The following TRPM1 variants were observed in gnomAD, a reference collection of about 807,000 sequenced individuals.
TRPM1 encodes the protein transient receptor potential cation channel subfamily M member 1.
Under a neutral mutation model 149.4 loss-of-function variants are expected in TRPM1, and 113 were observed. The observed-to-expected ratio is 0.76, with a 90% CI of 0.65 to 0.88. TRPM1 has a LOEUF of 0.88. Among genes scored for constraint, TRPM1 ranks in the 40% least tolerant of loss-of-function variants. The pLI is 0.00. For synonymous variants in TRPM1, 741 were observed against 759.5 expected, an observed-to-expected ratio of 0.98 and a Z score of 0.40; for missense variants, 1,976 against 2,038.7, an observed-to-expected ratio of 0.97 and a Z score of 0.59.
At chr15:31,131,129 A>G (rs2081455) in intron 1 of TRPM1, among the ~76,000 whole-genome samples, 98,940 of 152,066 alleles carry the variant, frequency 0.65, 32,440 homozygotes, top group East Asian at 0.79. Context: ...ATTGCATGCT[A>G]CTCTGCCCTG....
At chr15:31,042,521 C>T (rs572169733) in intron 16 of TRPM1, among the ~76,000 whole-genome samples, 3 of 152,238 alleles carry the variant, frequency 2.0e-5, no homozygotes, top group African/African-American at 4.8e-5. Context: ...TTAACTGAGG[C>T]GACGCTGCAA....
At position 31,082,871 on chromosome 15, in the gene TRPM1, T is replaced by C. The variant is rs74010766; in HGVS notation, c.-83-1433A>G. The stretch of plus-strand genomic sequence containing the variant: ...CAAGTGTCAACCCCGAGGAGAAGTC[T>C]TCCCCTGAAGGGGAGCCCAGAAATG... On this transcript the variant is annotated intron_variant, in intron 1 of 27. Transcript: ENST00000256552. Among the ~76,000 whole-genome samples the C allele has an allele frequency of 5.1e-3, 770 of 152,232 alleles. 6 individuals carry two copies. The highest frequency in any genetic ancestry group is 0.018 in the African/African-American group (733 of 41,540).
At chr15:31,152,480 C>T (rs1310834129) in intron 1 of TRPM1, among the ~76,000 whole-genome samples, 1 of 152,188 alleles carries the variant, frequency 6.6e-6, no homozygotes, top group Non-Finnish European at 1.5e-5. Context: ...ATTCTAAGCA[C>T]CCCCAACCAT....
chr15:31,090,676 G>C (rs1002037916), intron 1 of TRPM1, among the ~76,000 whole-genome samples: 1 of 151,744 alleles, frequency 6.6e-6, no homozygotes, highest in African/African-American at 2.4e-5. Flanking sequence ...CTGCACCCTG[G>C]AAAAAATCTT....
chr15:31,157,241 GT>G (rs1374906029), intron 1 of TRPM1, among the ~76,000 whole-genome samples: 10 of 152,100 alleles, frequency 6.6e-5, no homozygotes, highest in Admixed American at 3.3e-4. Context: ...CCAGCAGTAT[GT>G]TCTGAGGTTT....
At chr15:31,069,951 A>G (rs1269811317) in intron 4 of TRPM1, 80 bp downstream of exon 4, 2 of 1,613,200 alleles carry the variant, frequency 1.2e-6, no homozygotes, top group African/African-American at 2.7e-5. Flanking sequence ...AAGACCAGGT[A>G]TCTGCAGTTT....
At chr15:31,090,234 T>C (rs2035196985) in intron 1 of TRPM1, among the ~76,000 whole-genome samples, 1 of 152,166 alleles carries the variant, frequency 6.6e-6, no homozygotes, top group Non-Finnish European at 1.5e-5. Context: ...TTTGAGCCAT[T>C]ACACAGACAG....
intron 20 of TRPM1, among the ~76,000 whole-genome samples, chr15:31,036,591 A>G (rs1424463686): frequency 6.6e-6 from 1 of 152,102 alleles, no homozygotes; most frequent in Non-Finnish European, 1.5e-5. Context: ...AAGCTGCACA[A>G]TGTGTGATGA....
At chr15:31,003,204 C>A in intron 27 of TRPM1, 134 bp from the exon 28 acceptor site, 1 of 783,914 alleles carries the variant, frequency 1.3e-6, no homozygotes. Flanking sequence ...TTACAAGCTT[C>A]ACAATCCCCT....
At chr15:31,039,101 C>G (rs766143798) in intron 18 of TRPM1, among the ~76,000 whole-genome samples, 4 of 139,608 alleles carry the variant, frequency 2.9e-5, no homozygotes, top group Admixed American at 7.9e-5. Flanking sequence ...ATATTCTTTT[C>G]TCATGCTTTT....
chr15:31,027,308 T>C (rs751651564), intron 25 of TRPM1, among the ~76,000 whole-genome samples, 191 bp from the exon 26 acceptor site: 2 of 152,206 alleles, frequency 1.3e-5, no homozygotes, highest in African/African-American at 4.8e-5. Context: ...CTTAAGGACA[T>C]TGTATTCATA....
Position 31,028,321 on chromosome 15 carries a change from G to C in TRPM1, c.3293+11C>G. The C allele has an allele frequency of 6.2e-7, 1 of 1,614,120 alleles. No individual in the cohort carries two copies. The highest frequency in any genetic ancestry group is 8.5e-7 in the Non-Finnish European group (1 of 1,180,006). ...AATAATAAGCATGTGGTCATCGGCTGTGACACGTACTTGAACACAGCAATC... is the reference window on the plus strand; with the variant it reads ...AATAATAAGCATGTGGTCATCGGCTCTGACACGTACTTGAACACAGCAATC... On this transcript the variant is annotated intron_variant, in intron 25 of 27. Coordinates refer to ENST00000256552, the MANE Select transcript of TRPM1 (RefSeq NM_001252024.2).
intron 22 of TRPM1, among the ~76,000 whole-genome samples, chr15:31,032,232 C>T (rs1381384901): frequency 2.6e-5 from 4 of 151,884 alleles, no homozygotes; most frequent in East Asian, 1.9e-4. Context: ...TACAAAAAAA[C>T]GAGGCTATTT....
At chr15:31,060,795 G>C (rs139635983) in intron 10 of TRPM1, 151 bp from the exon 11 acceptor site, 13 of 724,250 alleles carry the variant, frequency 1.8e-5, no homozygotes, top group Non-Finnish European at 3.2e-5. Flanking sequence ...TGACCACAAA[G>C]GCTCCGAGCT....
intron 1 of TRPM1, among the ~76,000 whole-genome samples, chr15:31,121,439 T>C (rs2035878736): frequency 6.6e-6 from 1 of 152,080 alleles, no homozygotes; most frequent in African/African-American, 2.4e-5. Context: ...TCTAGTCAAG[T>C]TAACCAAAGA....
intron 1 of TRPM1, among the ~76,000 whole-genome samples, chr15:31,159,448 T>C (rs931949059): frequency 1.3e-5 from 2 of 152,116 alleles, no homozygotes; most frequent in Non-Finnish European, 2.9e-5. Flanking sequence ...GCACGGCCAG[T>C]GGCATGTCTC....
intron 1 of TRPM1, among the ~76,000 whole-genome samples, chr15:31,093,027 G>A (rs968728761): frequency 6.6e-5 from 10 of 152,292 alleles, no homozygotes; most frequent in East Asian, 3.9e-4. Flanking sequence ...TTGGGAGGCT[G>A]AGGCGGGTGG....
chr15:31,153,076 A>G (rs1326788341), intron 1 of TRPM1, among the ~76,000 whole-genome samples: 1 of 152,234 alleles, frequency 6.6e-6, no homozygotes, highest in African/African-American at 2.4e-5. Context: ...TCTTTGACAT[A>G]TTTTGGAATG....
chr15:31,052,556 C>T (rs2033973964), intron 11 of TRPM1, among the ~76,000 whole-genome samples: 1 of 152,164 alleles, frequency 6.6e-6, no homozygotes, highest in Non-Finnish European at 1.5e-5. Context: ...AGATGGATCA[C>T]CTGAGGCCAG....
Sources: allele counts gnomAD v4.1 joint callset (sites outside exome capture counted in the v4.1 genomes callset), GRCh38; gene constraint gnomAD v4.1.1; transcripts MANE v1.5; gene names NCBI Gene and HGNC (gene_info 2026-07-23, HGNC 2026-07-21).